The following SLC44A5 variants were observed in gnomAD, a reference collection of about 807,000 sequenced individuals.
SLC44A5 encodes choline transporter-like protein 5.
SLC44A5 carries 57 observed loss-of-function variants against 101.8 expected under a neutral mutation model. That is an observed-to-expected ratio of 0.56 (90% confidence interval 0.45 to 0.70). The LOEUF (loss-of-function observed/expected upper bound fraction) is 0.70. SLC44A5 is among the 30% of genes least tolerant of loss of function. SLC44A5 has a pLI of 0.00. For missense variants in SLC44A5, 737 were observed against 853.1 expected (o/e 0.86, Z 1.70); for synonymous variants, 281 against 290.9 (o/e 0.97, Z 0.35).
chr1:75,597,364 G>T (rs1289827198), intron 1 of SLC44A5, among the ~76,000 whole-genome samples: 2 of 151,990 alleles, frequency 1.3e-5, no homozygotes, highest in Non-Finnish European at 2.9e-5. Context: ...TGTTAAAATG[G>T]CCATGCTGCC....
chr1:75,610,454 C>CA (rs935767337), intron 1 of SLC44A5, among the ~76,000 whole-genome samples: 8 of 151,948 alleles, frequency 5.3e-5, no homozygotes, highest in Admixed American at 5.2e-4. Flanking sequence ...ACCTCTGCTT[C>CA]AAAAAATAAT....
At chr1:75,588,832 A>T (rs1674175280) in intron 1 of SLC44A5, among the ~76,000 whole-genome samples, 1 of 152,196 alleles carries the variant, frequency 6.6e-6, no homozygotes, top group South Asian at 2.1e-4. Flanking sequence ...TCACCATTGA[A>T]GGTATAACTG....
intron 2 of SLC44A5, among the ~76,000 whole-genome samples, chr1:75,406,193 C>T (rs1311775160): frequency 2.0e-5 from 3 of 152,086 alleles, no homozygotes; most frequent in South Asian, 2.1e-4. Context: ...AGACCAATAA[C>T]AAGTTCGGAA....
chr1:75,270,882 TA>T (rs1651410955), intron 6 of SLC44A5, among the ~76,000 whole-genome samples: 1 of 152,186 alleles, frequency 6.6e-6, no homozygotes, highest in Admixed American at 6.6e-5. Flanking sequence ...TTGTTTGACA[TA>T]AGTGGATCAT....
chr1:75,430,133 G>A (rs1246624051), intron 2 of SLC44A5, among the ~76,000 whole-genome samples: 1 of 152,144 alleles, frequency 6.6e-6, no homozygotes, highest in Non-Finnish European at 1.5e-5. Flanking sequence ...TGGGAGATGG[G>A]ACCTTCTGGG....
At chr1:75,588,146 T>C (rs1353485180) in intron 1 of SLC44A5, among the ~76,000 whole-genome samples, 2 of 151,682 alleles carry the variant, frequency 1.3e-5, no homozygotes, top group Non-Finnish European at 2.9e-5. Flanking sequence ...AAAGAAAACT[T>C]TGACTATGTT....
chr1:75,258,924 C>A (rs1407023561), intron 6 of SLC44A5, among the ~76,000 whole-genome samples: 1 of 152,114 alleles, frequency 6.6e-6, no homozygotes, highest in Non-Finnish European at 1.5e-5. Context: ...AGCAGACCTG[C>A]AGCAGAGGGG....
At chr1:75,289,738 A>T (rs527999934) in intron 5 of SLC44A5, among the ~76,000 whole-genome samples, 18 of 152,234 alleles carry the variant, frequency 1.2e-4, no homozygotes, top group Non-Finnish European at 2.2e-4. Flanking sequence ...ACGGCTGTGG[A>T]GGATCTCTTA....
rs533866467 is a variant in SLC44A5, at chr1:75,407,865, TC to T, written c.14-11245del. Among the ~76,000 whole-genome samples, 219 of 152,080 alleles carry T rather than the reference TC, an allele frequency of 1.4e-3. 1 individual carries two copies. The highest frequency in any genetic ancestry group is 2.2e-3 in the Non-Finnish European group (149 of 67,994). On this transcript the variant is annotated intron_variant, in intron 2 of 23. Transcript: ENST00000370859. ...CAAAAGCCAAAATTGACAAATGAGA[TC>T]TAATCAAACTAAAGAGTTTCTGCAC...
chr1:75,612,115 T>A (rs551502874), upstream of SLC44A5, among the ~76,000 whole-genome samples: 1 of 152,284 alleles, frequency 6.6e-6, no homozygotes, highest in African/African-American at 2.4e-5. Flanking sequence ...TGAAATTGCA[T>A]AGGTATTCTG....
At chr1:75,368,654 C>A (rs1286114995) in intron 3 of SLC44A5, among the ~76,000 whole-genome samples, 3 of 149,704 alleles carry the variant, frequency 2.0e-5, no homozygotes, top group Non-Finnish European at 4.5e-5. Flanking sequence ...CACACACACA[C>A]ACACACACAC....
At chr1:75,722,821 C>T in the SLC44A5 span, among the ~76,000 whole-genome samples, 24 of 152,330 alleles carry the variant, frequency 1.6e-4, no homozygotes, top group Admixed American at 1.4e-3. Flanking sequence ...ACTGCTGTAA[C>T]GATGGTCTCA....
At chr1:75,611,619 CAA>C (rs976187394), upstream of SLC44A5, among the ~76,000 whole-genome samples, 2 of 152,120 alleles carry the variant, frequency 1.3e-5, no homozygotes, top group African/African-American at 4.8e-5. Flanking sequence ...TAAGTAAAAT[CAA>C]AGAGACTTTG....
chr1:75,390,892 A>T (rs1231406085), intron 3 of SLC44A5, among the ~76,000 whole-genome samples: 1 of 152,152 alleles, frequency 6.6e-6, no homozygotes, highest in Non-Finnish European at 1.5e-5. Context: ...TAGGAAAAGA[A>T]TATGTAAAAT....
intron 12 of SLC44A5, among the ~76,000 whole-genome samples, chr1:75,228,663 T>C (rs1164462830): frequency 6.6e-6 from 1 of 151,850 alleles, no homozygotes; most frequent in Non-Finnish European, 1.5e-5. Flanking sequence ...AAATTGATGA[T>C]TTTTTGTTTG....
At chr1:75,425,149 C>T (rs1311968597) in intron 2 of SLC44A5, among the ~76,000 whole-genome samples, 2 of 152,080 alleles carry the variant, frequency 1.3e-5, no homozygotes, top group Admixed American at 1.3e-4. Flanking sequence ...ATGTACTAAC[C>T]AGGTAGAAGG....
At chr1:75,238,476 T>C in intron 10 of SLC44A5, 37 bp downstream of exon 10, 2 of 1,524,944 alleles carry the variant, frequency 1.3e-6, no homozygotes, top group Non-Finnish European at 8.8e-7. Flanking sequence ...AATAACAAAA[T>C]GCATCAAACT....
At chr1:75,278,588 GAAAT>G (rs1652125743) in intron 5 of SLC44A5, among the ~76,000 whole-genome samples, 1 of 152,072 alleles carries the variant, frequency 6.6e-6, no homozygotes, top group South Asian at 2.1e-4. Flanking sequence ...ATATGAATGA[GAAAT>G]AATAAAAAGT....
At position 75,444,483 on chromosome 1, in the gene SLC44A5, G is replaced by GAAAGA. The variant is rs1553181287; in HGVS notation, c.14-47863_14-47862insTCTTT. On this transcript the variant is annotated intron_variant, in intron 2 of 23. Coordinates refer to ENST00000370859, the MANE Select transcript of SLC44A5 (RefSeq NM_001130058.2). ...AAAGAAAAAAAGAAAGAGAAAGAAAGAAGAAAGAAAGAAAGAAAGAAAGAA... is the reference window on the plus strand; with the variant it reads ...AAAGAAAAAAAGAAAGAGAAAGAAAGAAAGAAAGAAAGAAAGAAAGAAAGAAAGAA... Among the ~76,000 whole-genome samples the GAAAGA allele has an allele frequency of 2.8e-3, 390 of 140,712 alleles. 1 individual carries two copies. In the Middle Eastern group the frequency reaches 0.033, roughly 12 times the overall value. The allele number at this position is 140,712 out of a possible 152,430, so 92.3% of individuals were successfully genotyped here. A position where few individuals can be genotyped will look rare whatever the true frequency, so the allele number is the denominator to read the frequency against.
Sources: allele counts gnomAD v4.1 joint callset (sites outside exome capture counted in the v4.1 genomes callset), GRCh38; gene constraint gnomAD v4.1.1; transcripts MANE v1.5; gene names NCBI Gene and HGNC (gene_info 2026-07-23, HGNC 2026-07-21).